Variants in CELF2 observed in about 807,000 individuals in gnomAD.
CELF2 encodes CUG triplet repeat RNA-binding protein 2.
CELF2 carries 8 observed loss-of-function variants against 62.6 expected under a neutral mutation model. That is an observed-to-expected ratio of 0.13 (90% CI 0.07 to 0.23). The LOEUF (loss-of-function observed/expected upper bound fraction) is 0.23. CELF2 is among the 10% of genes least tolerant of loss of function. CELF2 has a pLI of 1.00. For synonymous variants in CELF2, 258 were observed against 250.0 expected (o/e 1.03, Z -0.30); for missense variants, 333 against 671.0 (o/e 0.50, Z 5.56).
At chr10:10,517,773 T>C in the CELF2 span, among the ~76,000 whole-genome samples, 1 of 152,224 alleles carries the variant, frequency 6.6e-6, no homozygotes, top group Non-Finnish European at 1.5e-5. Flanking sequence ...ACAGGAGCTC[T>C]GAAGCTTGTC....
At chr10:11,064,259 TC>T (rs1160936124) in intron 1 of CELF2, among the ~76,000 whole-genome samples, 1 of 152,232 alleles carries the variant, frequency 6.6e-6, no homozygotes, top group Non-Finnish European at 1.5e-5. Context: ...TGATGCTTTT[TC>T]TGATTTGTGG....
intron 2 of CELF2, among the ~76,000 whole-genome samples, chr10:11,206,024 G>GA (rs896826029): frequency 1.2e-4 from 19 of 152,140 alleles, no homozygotes; most frequent in African/African-American, 4.6e-4. Flanking sequence ...TCCATTTCCA[G>GA]AAAAAATAAC....
chr10:11,225,379 A>G (rs1162328683), intron 3 of CELF2, among the ~76,000 whole-genome samples: 1 of 152,178 alleles, frequency 6.6e-6, no homozygotes, highest in East Asian at 1.9e-4. Context: ...CAAAACAAAA[A>G]TGGTTGGACT....
the CELF2 span, among the ~76,000 whole-genome samples, chr10:10,535,868 T>C: frequency 3.3e-5 from 5 of 152,110 alleles, no homozygotes; most frequent in Non-Finnish European, 7.3e-5. Flanking sequence ...AGGTGTTACA[T>C]AATGATGAGC....
intron 2 of CELF2, among the ~76,000 whole-genome samples, chr10:10,964,924 C>T (rs1184074555): frequency 1.3e-5 from 2 of 151,938 alleles, no homozygotes; most frequent in African/African-American, 4.8e-5. Flanking sequence ...GAAAATATTT[C>T]AGCTGGACAT....
chr10:10,503,252 G>A, the CELF2 span, among the ~76,000 whole-genome samples: 1 of 151,860 alleles, frequency 6.6e-6, no homozygotes, highest in Admixed American at 6.6e-5. Flanking sequence ...GTTCTTTGAC[G>A]GGTGGTGTTG....
chr10:11,135,184 C>T (rs915779822), intron 1 of CELF2, among the ~76,000 whole-genome samples: 3 of 152,178 alleles, frequency 2.0e-5, no homozygotes, highest in Admixed American at 6.5e-5. Context: ...CATCATGTGC[C>T]GATGCTGTTT....
chr10:11,161,010 C>A (rs1407957093), intron 1 of CELF2, among the ~76,000 whole-genome samples: 2 of 152,176 alleles, frequency 1.3e-5, no homozygotes, highest in Non-Finnish European at 2.9e-5. Context: ...TGTCCTAAAA[C>A]TAGTAAAAAT....
chr10:11,314,067 G>A lies in CELF2; in HGVS notation c.977-72G>A. On this transcript the variant is annotated intron_variant, in intron 9 of 12. Coordinates refer to ENST00000633077, the MANE Select transcript of CELF2 (RefSeq NM_001326342.2). The surrounding 1 kb of genome is among the most constrained non-coding windows in gnomAD (Gnocchi z 5.3). ...AGCTCCGTCCACTGAGATGATGACA[G>A]AAGGATTTCCAGTCTCGGCTCTCAC... is the stretch of plus-strand genomic sequence containing the variant. The A allele has an allele frequency of 2.0e-6, 3 of 1,470,652 alleles. No individual in the cohort carries two copies. The highest frequency in any genetic ancestry group is 2.8e-6 in the Non-Finnish European group (3 of 1,068,278). 91.1% of individuals were successfully genotyped at this position (1,470,652 alleles called of 1,614,324 possible).
rs571683700 is a variant in CELF2 at position 11,115,615 on chromosome 10, T to C, written c.75-49871T>C. 2.4e-4 allele frequency among the ~76,000 whole-genome samples: 37 copies of C among 152,306 alleles called. No homozygotes were observed. In the South Asian group the frequency reaches 4.8e-3, roughly 20 times the overall value. On this transcript the variant is annotated intron_variant, in intron 1 of 12. Transcript: ENST00000633077. ...AGTATTTTTAGAGAAGCGAATGATA[T>C]GGAATTTCTTCAAGTACAGAACATT...
the CELF2 span, among the ~76,000 whole-genome samples, chr10:10,778,429 A>C: frequency 2.0e-5 from 3 of 152,212 alleles, no homozygotes; most frequent in African/African-American, 7.2e-5. Context: ...TCAAGCCAGG[A>C]AAAGAGAGAA....
chr10:10,811,347 G>C (rs1178530535), intron 1 of CELF2, among the ~76,000 whole-genome samples: 3 of 152,164 alleles, frequency 2.0e-5, no homozygotes, highest in African/African-American at 7.2e-5. Flanking sequence ...AGGGAGAATG[G>C]GGTGGAGGGC....
At chr10:10,971,404 G>A (rs1047997918) in intron 2 of CELF2, among the ~76,000 whole-genome samples, 1 of 151,880 alleles carries the variant, frequency 6.6e-6, no homozygotes, top group Non-Finnish European at 1.5e-5. Context: ...TCTCTCGCTC[G>A]CTCACTTGCT....
the CELF2 span, among the ~76,000 whole-genome samples, chr10:10,512,201 C>T: frequency 2.0e-5 from 3 of 152,122 alleles, no homozygotes; most frequent in Non-Finnish European, 2.9e-5. Flanking sequence ...CTCCTCCTCA[C>T]TCTGAAGCCT....
At chr10:10,604,550 C>T in the CELF2 span, among the ~76,000 whole-genome samples, 1 of 152,172 alleles carries the variant, frequency 6.6e-6, no homozygotes, top group Non-Finnish European at 1.5e-5. Flanking sequence ...TGTTGCTCAA[C>T]ATGAGTACTT....
At chr10:11,298,263 G>A (rs2093386965) in intron 9 of CELF2, among the ~76,000 whole-genome samples, 1 of 152,194 alleles carries the variant, frequency 6.6e-6, no homozygotes, top group Non-Finnish European at 1.5e-5. Context: ...CCCCTGGGAG[G>A]AGCCCCCACA....
chr10:10,585,437 A>G, the CELF2 span, among the ~76,000 whole-genome samples: 171 of 72,356 alleles, frequency 2.4e-3, 5 homozygotes, highest in South Asian at 0.092. Context: ...TACATGATGT[A>G]TGTATATGGA....
At chr10:10,834,362 C>T (rs1386997872) in intron 1 of CELF2, among the ~76,000 whole-genome samples, 2 of 151,996 alleles carry the variant, frequency 1.3e-5, no homozygotes, top group Non-Finnish European at 2.9e-5. Context: ...TAATGGGTAC[C>T]GGGCTTAACA....
At chr10:10,503,728 A>C in the CELF2 span, among the ~76,000 whole-genome samples, 1,470 of 151,974 alleles carry the variant, frequency 9.7e-3, 11 homozygotes, top group Admixed American at 0.016. Flanking sequence ...TTTACTTTTA[A>C]TGTAATTACT....
Sources: allele counts gnomAD v4.1 joint callset (sites outside exome capture counted in the v4.1 genomes callset), GRCh38; gene constraint gnomAD v4.1.1; non-coding constraint Gnocchi (gnomAD v3.1); transcripts MANE v1.5; gene names NCBI Gene and HGNC (gene_info 2026-07-23, HGNC 2026-07-21).